The following ITPR1 variants were observed in gnomAD, a reference collection of about 807,000 sequenced individuals.
ITPR1 encodes the protein inositol 1,4,5-trisphosphate-gated calcium channel ITPR1.
In ITPR1, 96 loss-of-function variants were observed where a neutral mutation model predicts 318.4. That is an observed-to-expected ratio of 0.30 (90% CI 0.26 to 0.36). The LOEUF (loss-of-function observed/expected upper bound fraction) is 0.36. ITPR1 is among the 10% of genes least tolerant of loss of function. The pLI, the probability that ITPR1 is intolerant of heterozygous loss-of-function variation, is 1.00. For synonymous variants in ITPR1, 1,312 were observed against 1,289.9 expected (o/e 1.02, Z -0.37); for missense variants, 2,440 against 3,460.2 (o/e 0.71, Z 7.40).
chr3:4,584,099 G>T (rs1427618792), intron 4 of ITPR1, among the ~76,000 whole-genome samples: 1 of 151,820 alleles, frequency 6.6e-6, no homozygotes, highest in African/African-American at 2.4e-5. Context: ...ACATAATTTT[G>T]CTCACGTTAA....
chr3:4,633,374 G>A (rs1296613934), intron 5 of ITPR1, among the ~76,000 whole-genome samples: 1 of 152,144 alleles, frequency 6.6e-6, no homozygotes, highest in Non-Finnish European at 1.5e-5. Flanking sequence ...ATACGATGTT[G>A]TATTTTGGAC....
chr3:4,696,467 T>C (rs760307488), intron 33 of ITPR1, among the ~76,000 whole-genome samples: 2 of 152,206 alleles, frequency 1.3e-5, no homozygotes, highest in Non-Finnish European at 2.9e-5. Context: ...GCTGAGTAAT[T>C]TTCTATTCTA....
Position 4,660,153 on chromosome 3 carries a change from G to GACCCTAAGATC in ITPR1, c.1152-835_1152-834insACCCTAAGATC, listed in dbSNP as rs558033741. ...TTCCCTAAGCTCTTGTTGAGACTGG[G>GACCCTAAGATC]TTTTAGATCTTTGGAATATGATACA... On this transcript the variant is annotated intron_variant, in intron 13 of 61. Coordinates refer to ENST00000649015, the MANE Select transcript of ITPR1 (RefSeq NM_001378452.1). 1.5e-4 allele frequency among the ~76,000 whole-genome samples: 23 copies of GACCCTAAGATC among 152,258 alleles called. No individual in the cohort carries two copies. In the East Asian group the frequency reaches 4.4e-3, roughly 29 times the overall value.
At chr3:4,596,591 G>T (rs2090843412) in intron 4 of ITPR1, among the ~76,000 whole-genome samples, 1 of 152,166 alleles carries the variant, frequency 6.6e-6, no homozygotes, top group Non-Finnish European at 1.5e-5. Context: ...AAGGTATAAA[G>T]TGTCACCTTT....
At chr3:4,628,395 A>ATTAAAGATG (rs757476087) in intron 5 of ITPR1, among the ~76,000 whole-genome samples, 1 of 152,190 alleles carries the variant, frequency 6.6e-6, no homozygotes, top group Non-Finnish European at 1.5e-5. Flanking sequence ...TATCTGGCAT[A>ATTAAAGATG]TTAAAGATGT....
At chr3:4,807,356 A>G (rs2048645303) in intron 55 of ITPR1, among the ~76,000 whole-genome samples, 1 of 152,150 alleles carries the variant, frequency 6.6e-6, no homozygotes, top group Non-Finnish European at 1.5e-5. Flanking sequence ...TCTTTCTGCA[A>G]TAGGTTAGAG....
At position 4,654,946 on chromosome 3, in the gene ITPR1, G is replaced by A. The variant is rs544666389; in HGVS notation, c.996+1060G>A. Among the ~76,000 whole-genome samples the A allele has an allele frequency of 4.6e-5, 7 of 152,202 alleles. No individual in the cohort carries two copies. In the South Asian group the frequency reaches 6.2e-4, roughly 14 times the overall value. ...TTTTGTGCTCCTTACTGGGGTACCC[G>A]AGGCTCACCTTCCTTTTTTTCATCC... is the stretch of plus-strand genomic sequence containing the variant. On this transcript the variant is annotated intron_variant, in intron 12 of 61. Transcript: ENST00000649015.
intron 10 of ITPR1, among the ~76,000 whole-genome samples, chr3:4,647,154 C>T (rs1344313438): frequency 6.6e-6 from 1 of 151,666 alleles, no homozygotes; most frequent in Non-Finnish European, 1.5e-5. Context: ...AGTATACAGT[C>T]TTTATGTTCT....
At chr3:4,560,231 A>G (rs997077433) in intron 4 of ITPR1, among the ~76,000 whole-genome samples, 3 of 152,324 alleles carry the variant, frequency 2.0e-5, no homozygotes, top group Non-Finnish European at 1.5e-5. Flanking sequence ...CAAACAAATA[A>G]AAAGTAGGGA....
chr3:4,765,866 C>T (rs3805012), intron 44 of ITPR1, among the ~76,000 whole-genome samples: 110,300 of 152,110 alleles, frequency 0.73, 40,087 homozygotes, highest in African/African-American at 0.74. Context: ...CCTGTTCATT[C>T]TGAGCTTCTT....
intron 29 of ITPR1, 55 bp downstream of exon 29, chr3:4,684,401 T>C: frequency 1.5e-6 from 2 of 1,299,610 alleles, no homozygotes; most frequent in Non-Finnish European, 2.2e-6. Flanking sequence ...TCTAAGGAGC[T>C]TTAGTTTGTG....
At chr3:4,597,696 T>C (rs951560990) in intron 4 of ITPR1, among the ~76,000 whole-genome samples, 2 of 152,198 alleles carry the variant, frequency 1.3e-5, no homozygotes, top group Non-Finnish European at 2.9e-5. Flanking sequence ...AAGTGGTCAG[T>C]GACCCGGTTT....
intron 61 of ITPR1, among the ~76,000 whole-genome samples, chr3:4,837,618 G>C (rs2051020721): frequency 6.6e-6 from 1 of 151,904 alleles, no homozygotes; most frequent in African/African-American, 2.4e-5. Context: ...AGTACTGTGG[G>C]CAGAATTTAA....
At chr3:4,818,304 C>A in intron 60 of ITPR1, 62 bp downstream of exon 60, 1 of 1,329,156 alleles carries the variant, frequency 7.5e-7, no homozygotes, top group Non-Finnish European at 1.0e-6. Flanking sequence ...CTGAGCAAGG[C>A]CCCAGCAGCC....
At position 4,800,491 on chromosome 3, in the gene ITPR1, T is replaced by C. The variant is rs776887736; in HGVS notation, c.6998T>C (p.Ile2333Thr). 6.2e-7 allele frequency: 1 copy of C among 1,614,050 alleles called. No individual in the cohort carries two copies. Among genetic ancestry groups the C allele is most frequent in the Non-Finnish European group, 8.5e-7 (1 of 1,179,888 alleles). The change falls in exon 54 of 62, where the codon ATT (isoleucine) becomes ACT (threonine). Residue 2333 changes from isoleucine to threonine, a missense_variant. Physicochemically the swap from Ile to Thr is moderately conservative, Grantham distance 89 (BLOSUM62 -1). This residue lies in a region of ITPR1 where 126 missense variants were observed against 150.8 expected (regional missense o/e 0.84). Transcript: ENST00000649015. ...ATGCTCATCTCTCTGGCCATCGTCA[T>C]TGCCCTCCCCAAGCCCCATGGCATC... The part of the protein sequence containing the change: ...TAMLISLAIV[I>T]ALPKPHGIRA...
At chr3:4,726,787 T>A (rs939331505) in intron 41 of ITPR1, among the ~76,000 whole-genome samples, 1 of 152,182 alleles carries the variant, frequency 6.6e-6, no homozygotes, top group South Asian at 2.1e-4. Flanking sequence ...ACCTGCCCGA[T>A]TGAGTCTTGC....
chr3:4,746,866 A>G (rs115202881), intron 44 of ITPR1, among the ~76,000 whole-genome samples: 143 of 152,260 alleles, frequency 9.4e-4, no homozygotes, highest in African/African-American at 3.3e-3. Flanking sequence ...CTCACCCACT[A>G]ACTCGCCCAA....
chr3:4,514,496 C>T (rs982035303), intron 2 of ITPR1, among the ~76,000 whole-genome samples: 2 of 152,118 alleles, frequency 1.3e-5, no homozygotes, highest in Non-Finnish European at 2.9e-5. Context: ...GTAAGGTATC[C>T]AGGTGGCGGT....
intron 60 of ITPR1, among the ~76,000 whole-genome samples, chr3:4,824,162 C>T (rs1186253460): frequency 6.6e-6 from 1 of 152,132 alleles, no homozygotes; most frequent in African/African-American, 2.4e-5. Context: ...CTAGAGTGTT[C>T]TGGAATGCAC....
Sources: gnomAD v4.1 joint callset for allele counts (sites outside exome capture counted in the v4.1 genomes callset) on GRCh38, gnomAD v4.1.1 for gene constraint, gnomAD v4.1.1 regional missense constraint, MANE v1.5 for transcripts, NCBI Gene and HGNC (gene_info 2026-07-23, HGNC 2026-07-21) for gene names.